CHD6: variants seen among roughly 807,000 people sequenced by gnomAD.
The protein encoded by CHD6 is ATP-dependent chromatin remodeler CHD6.
Under a neutral mutation model 276.9 loss-of-function variants are expected in CHD6, and 50 were observed. The observed-to-expected ratio is 0.18, with a 90% CI of 0.14 to 0.23. CHD6 has a LOEUF of 0.23. Ranked by LOEUF, CHD6 falls within the 10% of genes least tolerant of loss-of-function variation. CHD6 has a pLI of 1.00. For missense variants in CHD6, 2,564 were observed against 3,365.8 expected (o/e 0.76, Z 5.89); for synonymous variants, 1,173 against 1,229.3 (o/e 0.95, Z 0.96).
At chr20:41,491,966 G>C (rs1055948958) in intron 10 of CHD6, 147 bp from the exon 11 acceptor site, 10 of 805,666 alleles carry the variant, frequency 1.2e-5, no homozygotes, top group Non-Finnish European at 2.0e-5. Context: ...TATAGGTTGG[G>C]GGAACTAAGT....
chr20:41,545,564 T>C (rs769601584), intron 2 of CHD6, among the ~76,000 whole-genome samples: 17 of 152,162 alleles, frequency 1.1e-4, no homozygotes, highest in Non-Finnish European at 2.2e-4. Context: ...AATTATTCAC[T>C]CAACCATATT....
chr20:41,473,666 C>T lies in CHD6; in HGVS notation c.2469-149G>A. The T allele has an allele frequency of 4.8e-6, 3 of 627,926 alleles. No individual in the cohort carries two copies. The highest frequency in any genetic ancestry group is 5.5e-6 in the Non-Finnish European group (2 of 360,614). 38.9% of individuals were successfully genotyped at this position (627,926 alleles called of 1,614,324 possible). On this transcript the variant is annotated intron_variant, in intron 16 of 36. Transcript: ENST00000373233. The surrounding 1 kb of genome is among the most constrained non-coding windows in gnomAD (Gnocchi z 4.1). ...GACAGCAGTCTAGAAGGAATCCTGC[C>T]CCCTACATATGCAGCAGGGCAGACA...
At position 41,413,406 on chromosome 20, in the gene CHD6, TCGGCTTGGC is replaced by T. The variant is rs774316137; in HGVS notation, c.7040_7048del (p.Ser2347_Glu2350delinsLys). On this transcript the variant is annotated inframe_deletion, in exon 35 of 37. Transcript: ENST00000373233. ...CAGACTCTTGCTGGGAATGGATTTC[TCGGCTTGGC>T]TGCTGGCTGCCGTAGCTGGCTCAGG... 1 of 1,612,152 alleles carries T rather than the reference TCGGCTTGGC, an allele frequency of 6.2e-7. No homozygotes were observed. Among genetic ancestry groups the T allele is most frequent in the Non-Finnish European group, 8.5e-7 (1 of 1,179,986 alleles).
rs538737055 is a variant in CHD6 at position 41,556,813 on chromosome 20, A to G, written c.-23-5453T>C. On this transcript the variant is annotated intron_variant, in intron 1 of 36. Transcript: ENST00000373233. ...TTTGTCCTTCTCCAGACAGCACCCC[A>G]TAATTTATAAACACCCTTAAATTAT... Among the ~76,000 whole-genome samples, 9 of 152,348 alleles carry G rather than the reference A, an allele frequency of 5.9e-5. No individual in the cohort carries two copies. The South Asian group carries it at 8.3e-4, about 14-fold the overall frequency.
At position 41,407,098 on chromosome 20, in the gene CHD6, G is replaced by A. The variant is rs556152528; in HGVS notation, c.7252-1609C>T. On this transcript the variant is annotated intron_variant, in intron 36 of 36. Coordinates refer to ENST00000373233, the MANE Select transcript of CHD6 (RefSeq NM_032221.5). Reference sequence around the variant, plus strand: ...ATCAAGGCCGGAATGCGCAGCCTACGGAGCAGCATGAGACAGGAGAGCTCA... The same window carrying A: ...ATCAAGGCCGGAATGCGCAGCCTACAGAGCAGCATGAGACAGGAGAGCTCA... Among the ~76,000 whole-genome samples, 31 of 152,334 alleles carry A rather than the reference G, an allele frequency of 2.0e-4. No individual in the cohort carries two copies. In the South Asian group the frequency reaches 4.4e-3, roughly 21 times the overall value.
At chr20:41,436,151 G>A (rs560459092) in intron 27 of CHD6, among the ~76,000 whole-genome samples, 2 of 152,010 alleles carry the variant, frequency 1.3e-5, no homozygotes, top group Non-Finnish European at 2.9e-5. Context: ...AATATATACA[G>A]AACTCTAGAA....
At chr20:41,511,710 T>A (rs867891109) in intron 5 of CHD6, among the ~76,000 whole-genome samples, 2 of 152,182 alleles carry the variant, frequency 1.3e-5, no homozygotes, top group African/African-American at 4.8e-5. Context: ...GCCAAGATTA[T>A]CCATTTGTCA....
intron 27 of CHD6, among the ~76,000 whole-genome samples, chr20:41,429,726 A>G (rs2047474625): frequency 6.6e-6 from 1 of 152,230 alleles, no homozygotes; most frequent in South Asian, 2.1e-4. Context: ...ACCAGCTGGG[A>G]GGCAGATTTC....
Position 41,452,253 on chromosome 20 carries a change from A to G in CHD6, c.3324-228T>C, listed in dbSNP as rs1378234940. Among the ~76,000 whole-genome samples the G allele has an allele frequency of 6.6e-6, 1 of 152,250 alleles. No homozygotes were observed. Among genetic ancestry groups the G allele is most frequent in the Non-Finnish European group, 1.5e-5 (1 of 68,046 alleles). On this transcript the variant is annotated intron_variant, in intron 21 of 36. Coordinates refer to ENST00000373233, the MANE Select transcript of CHD6 (RefSeq NM_032221.5). The surrounding 1 kb of genome is among the most constrained non-coding windows in gnomAD (Gnocchi z 4.2). The stretch of plus-strand genomic sequence containing the variant: ...TGGACACTGAGAGCTTCATATGGCC[A>G]CTACAATGTTAAAAAGGGAGGGACC...
At chr20:41,607,523 A>G (rs1014500844) in intron 1 of CHD6, among the ~76,000 whole-genome samples, 1 of 152,244 alleles carries the variant, frequency 6.6e-6, no homozygotes, top group African/African-American at 2.4e-5. Context: ...GAATAAATGA[A>G]TAATATAAGA....
intron 28 of CHD6, among the ~76,000 whole-genome samples, 169 bp from the exon 29 acceptor site, chr20:41,425,563 T>C (rs189657538): frequency 9.8e-4 from 150 of 152,344 alleles, no homozygotes; most frequent in African/African-American, 3.4e-3. Context: ...GGCTGCAATT[T>C]TGCCTTGGAT....
intron 3 of CHD6, among the ~76,000 whole-genome samples, chr20:41,519,854 C>T (rs1395944367): frequency 6.6e-6 from 1 of 152,078 alleles, no homozygotes; most frequent in Non-Finnish European, 1.5e-5. Context: ...AGCTTCTGCA[C>T]AGCAAAAAAA....
chr20:41,413,174 CAA>C (rs983395525), intron 35 of CHD6, 148 bp downstream of exon 35: 4 of 537,266 alleles, frequency 7.4e-6, no homozygotes, highest in Non-Finnish European at 1.3e-5. Context: ...AACTTAAAAA[CAA>C]AAGTCCTTTA....
At chr20:41,470,837 T>C (rs1190607288) in intron 17 of CHD6, among the ~76,000 whole-genome samples, 2 of 152,244 alleles carry the variant, frequency 1.3e-5, no homozygotes, top group Non-Finnish European at 2.9e-5. Flanking sequence ...AGGTGAAGCA[T>C]GGTCATTCCA....
intron 24 of CHD6, among the ~76,000 whole-genome samples, chr20:41,445,978 T>C (rs1198611570): frequency 6.6e-6 from 1 of 152,250 alleles, no homozygotes; most frequent in African/African-American, 2.4e-5. Flanking sequence ...TTCCAGGCTC[T>C]ACCTTTGACA....
At chr20:41,612,482 T>C (rs2045896425) in intron 1 of CHD6, among the ~76,000 whole-genome samples, 1 of 152,232 alleles carries the variant, frequency 6.6e-6, no homozygotes, top group South Asian at 2.1e-4. Flanking sequence ...CAATGTGATC[T>C]GATTCTATCA....
chr20:41,541,083 A>G (rs564411860), intron 2 of CHD6, among the ~76,000 whole-genome samples: 1 of 150,788 alleles, frequency 6.6e-6, no homozygotes, highest in African/African-American at 2.4e-5. Context: ...CTGCAATTGT[A>G]CTGGAACTTA....
rs758627654 is a variant in CHD6, at chr20:41,425,412, G to T, written c.4130-18C>A. 9.3e-6 allele frequency: 15 copies of T among 1,604,406 alleles called. No homozygotes were observed. Among genetic ancestry groups the T allele is most frequent in the Non-Finnish European group, 1.2e-5 (14 of 1,174,184 alleles). On this transcript the variant is annotated intron_variant, in intron 28 of 36. Transcript: ENST00000373233. ...ATCCTGGGCTTCAAACATCAGTGAGGATATTAGTATTTACAAACAGAACTA... is the reference window on the plus strand; with the variant it reads ...ATCCTGGGCTTCAAACATCAGTGAGTATATTAGTATTTACAAACAGAACTA...
chr20:41,614,653 T>C (rs2045919026), intron 1 of CHD6: 2 of 152,234 alleles, frequency 1.3e-5, no homozygotes, highest in African/African-American at 4.8e-5. Flanking sequence ...ATGCAGATGA[T>C]TTAGTTCAGA....
Sources: allele counts gnomAD v4.1 joint callset (sites outside exome capture counted in the v4.1 genomes callset), GRCh38; gene constraint gnomAD v4.1.1; non-coding constraint Gnocchi (gnomAD v3.1); transcripts MANE v1.5; gene names NCBI Gene and HGNC (gene_info 2026-07-23, HGNC 2026-07-21).